LSM4: variants seen among roughly 807,000 people sequenced by gnomAD.
The protein encoded by LSM4 is LSM4 homolog, U6 small nuclear RNA and mRNA degradation associated.
Under a neutral mutation model 22.3 loss-of-function variants are expected in LSM4, and 15 were observed. The ratio of observed to expected loss-of-function variants is 0.67; its 90% CI spans 0.45 to 1.03. The LOEUF (loss-of-function observed/expected upper bound fraction) is 1.03, where lower values mean the gene tolerates loss of function less well. Among genes scored for constraint, LSM4 ranks in the 50% least tolerant of loss-of-function variants. The probability of loss-of-function intolerance (pLI) is 0.00; values close to 1 mark genes in which losing one functional copy is unlikely to be tolerated. For missense variants in LSM4, 127 were observed against 198.0 expected, an observed-to-expected ratio of 0.64 and a Z score of 2.15; for synonymous variants, 90 against 79.8, an observed-to-expected ratio of 1.13 and a Z score of -0.68.
At position 18,309,752 on chromosome 19, in the gene LSM4, G is replaced by C; in HGVS notation, c.254C>G (p.Ala85Gly). 1 of 1,613,650 alleles carries C rather than the reference G, an allele frequency of 6.2e-7. No individual in the cohort carries two copies. The highest frequency in any genetic ancestry group is 2.2e-5 in the East Asian group (1 of 44,852). ...IIDMVKEEVV[A>G]KGRGRGGLQQ... ...CAGGCCTCCGCGGCCGCGGCCCTTG[G>C]CCACCACCTCCTCCTTGACCATGTC... Residue 85 changes from alanine to glycine, a missense_variant, in exon 4 of 5, where the codon GCC (alanine) becomes GGC (glycine). Transcript: ENST00000593829.
chr19:18,313,637 T>C (rs759174150), intron 2 of LSM4, among the ~76,000 whole-genome samples: 2 of 151,850 alleles, frequency 1.3e-5, no homozygotes, highest in Non-Finnish European at 2.9e-5. Flanking sequence ...CCCACCTCAG[T>C]TTCCCTAGTA....
chr19:18,309,798 G>T lies in LSM4; in HGVS notation c.208C>A (p.Arg70Ser). 6.2e-7 allele frequency: 1 copy of T among 1,613,906 alleles called. No individual in the cohort carries two copies. Among genetic ancestry groups the T allele is most frequent in the South Asian group, 1.1e-5 (1 of 91,076 alleles). ...ATGTCGATGATCTCGTCGGGGATGC[G>T]CAGGTACTTGATGGTGCTGCCGCGG... ...YIRGSTIKYL[R>S]IPDEIIDMVK... is the part of the protein sequence containing the mutation. The change falls in exon 4 of 5, where the codon CGC becomes AGC. Residue 70 changes from arginine to serine, a missense_variant. Arg to Ser is a moderately radical substitution (Grantham distance 110). Transcript: ENST00000593829.
intron 4 of LSM4, among the ~76,000 whole-genome samples, chr19:18,308,343 G>A (rs929923629): frequency 3.3e-5 from 5 of 152,228 alleles, no homozygotes; most frequent in African/African-American, 1.2e-4. Flanking sequence ...GTCAGGCCGG[G>A]ACCCAACATT....
Position 18,307,485 on chromosome 19 carries a change from GC to G in LSM4, c.398del (p.Gly133AlafsTer54). 1 of 1,552,132 alleles carries G rather than the reference GC, an allele frequency of 6.4e-7. No individual in the cohort carries two copies. The highest frequency in any genetic ancestry group is 2.0e-5 in the Admixed American group (1 of 51,128). On this transcript the variant is annotated frameshift_variant, in exon 5 of 5. Transcript: ENST00000593829. LOFTEE classifies it high-confidence loss of function. ...TGRGQPEKKP[G>X]RQAGKQ is the part of the protein sequence containing the mutation. Reference sequence around the variant, plus strand: ...GCGCTCACTGTTTGCCCGCCTGTCTGCCAGGCTTCTTCTCTGGCTGGCCTCT... The same window carrying G: ...GCGCTCACTGTTTGCCCGCCTGTCTGCAGGCTTCTTCTCTGGCTGGCCTCT...
intron 4 of LSM4, among the ~76,000 whole-genome samples, chr19:18,308,460 C>A (rs1212526315): frequency 6.6e-6 from 1 of 152,254 alleles, no homozygotes; most frequent in Non-Finnish European, 1.5e-5. Flanking sequence ...GAAATCAAAG[C>A]TGGAGCTTCA....
rs774336443 is a variant in LSM4 at position 18,309,732 on chromosome 19, C to T, written c.274G>A (p.Gly92Ser). The T allele has an allele frequency of 2.9e-5, 47 of 1,612,852 alleles. No homozygotes were observed. Among genetic ancestry groups the T allele is most frequent in the Non-Finnish European group, 3.8e-5 (45 of 1,179,608 alleles). ...EVVAKGRGRG[G>S]LQQQKQQKGR... ...TTCTGCTGCTTCTGCTGCTGCAGGCCTCCGCGGCCGCGGCCCTTGGCCACC... is the reference window on the plus strand; with the variant it reads ...TTCTGCTGCTTCTGCTGCTGCAGGCTTCCGCGGCCGCGGCCCTTGGCCACC... Residue 92 changes from glycine to serine, a missense_variant, in exon 4 of 5, where the codon GGC (glycine) becomes AGC (serine). Coordinates refer to ENST00000593829, the MANE Select transcript of LSM4 (RefSeq NM_012321.5).
intron 1 of LSM4, among the ~76,000 whole-genome samples, chr19:18,321,766 C>A (rs1010553634): frequency 6.6e-6 from 1 of 152,146 alleles, no homozygotes; most frequent in African/African-American, 2.4e-5. Context: ...TGACACTACC[C>A]AGACCAGTAA....
chr19:18,313,621 C>T (rs549671043), intron 2 of LSM4, among the ~76,000 whole-genome samples: 1 of 152,080 alleles, frequency 6.6e-6, no homozygotes, highest in African/African-American at 2.4e-5. Context: ...GGGCTCAAGC[C>T]ATCCTCCCAC....
intron 4 of LSM4, 84 bp downstream of exon 4, chr19:18,309,594 T>A (rs1177447768): frequency 4.2e-6 from 6 of 1,442,600 alleles, no homozygotes; most frequent in Non-Finnish European, 5.5e-6. Context: ...GAGGCAGCGC[T>A]GCAAGGGCAA....
chr19:18,309,564 CG>C (rs993094687), intron 4 of LSM4, 113 bp downstream of exon 4: 2 of 1,186,648 alleles, frequency 1.7e-6, no homozygotes, highest in Non-Finnish European at 2.3e-6. Context: ...GAGGGGGGCC[CG>C]GGAGGGTTGG....
At position 18,307,424 on chromosome 19, in the gene LSM4, C is replaced by G; in HGVS notation, c.*40G>C. ...CGAGACTGTGGAGCGGAATCGCCAC[C>G]CTGGCAGGAGGGGGCGCAGCAGCCG... On this transcript the variant is annotated 3_prime_UTR_variant, in exon 5 of 5. Coordinates refer to ENST00000593829, the MANE Select transcript of LSM4 (RefSeq NM_012321.5). 1 of 1,463,150 alleles carries G rather than the reference C, an allele frequency of 6.8e-7. No homozygotes were observed. The highest frequency in any genetic ancestry group is 9.1e-7 in the Non-Finnish European group (1 of 1,103,900). The allele number at this position is 1,463,150 out of a possible 1,614,324, so 90.6% of individuals were successfully genotyped here.
chr19:18,314,966 G>C (rs1044802864), intron 2 of LSM4, among the ~76,000 whole-genome samples: 12 of 151,812 alleles, frequency 7.9e-5, no homozygotes, highest in Non-Finnish European at 8.8e-5. Flanking sequence ...CTCACTGCAA[G>C]CTCCGCCTCC....
At chr19:18,322,913 T>C in intron 1 of LSM4, 105 bp downstream of exon 1, 1 of 1,504,868 alleles carries the variant, frequency 6.6e-7, no homozygotes, top group Non-Finnish European at 9.0e-7. Context: ...GGCTCGGACC[T>C]TACGTTCGCC....
At chr19:18,322,271 G>A (rs1055665038) in intron 1 of LSM4, among the ~76,000 whole-genome samples, 11 of 152,124 alleles carry the variant, frequency 7.2e-5, no homozygotes, top group South Asian at 2.1e-4. Context: ...AGAAGCTGAT[G>A]GGCCAGGAAA....
chr19:18,313,401 G>A (rs1970319529), intron 2 of LSM4, among the ~76,000 whole-genome samples: 1 of 152,188 alleles, frequency 6.6e-6, no homozygotes, highest in Non-Finnish European at 1.5e-5. Flanking sequence ...GGGCTTCAGT[G>A]TTCCACAAAT....
chr19:18,312,489 G>C, intron 3 of LSM4, 115 bp downstream of exon 3: 1 of 826,524 alleles, frequency 1.2e-6, no homozygotes, highest in Non-Finnish European at 2.0e-6. Context: ...CTGGAAGGAC[G>C]AGCAGTCCTA....
chr19:18,319,469 G>A (rs550724480), intron 1 of LSM4, among the ~76,000 whole-genome samples: 1 of 152,100 alleles, frequency 6.6e-6, no homozygotes, highest in African/African-American at 2.4e-5. Flanking sequence ...GGCTGAGGCA[G>A]AAGAATCGCT....
intron 4 of LSM4, 115 bp from the exon 5 acceptor site, chr19:18,307,670 CAT>C (rs1970245305): frequency 2.8e-5 from 20 of 716,918 alleles, no homozygotes; most frequent in South Asian, 7.0e-5. Context: ...TCAGCTTCCT[CAT>C]GTGTGAGGTG....
intron 4 of LSM4, among the ~76,000 whole-genome samples, chr19:18,308,531 C>T (rs1040173789): frequency 4.6e-5 from 7 of 152,250 alleles, no homozygotes; most frequent in Non-Finnish European, 8.8e-5. Context: ...TGCTGGGTGC[C>T]AGGGGCCAGA....
Sources: gnomAD v4.1 joint callset for allele counts (sites outside exome capture counted in the v4.1 genomes callset) on GRCh38, gnomAD v4.1.1 for gene constraint, MANE v1.5 for transcripts, NCBI Gene and HGNC (gene_info 2026-07-23, HGNC 2026-07-21) for gene names.